The following PHACTR1 variants were observed in gnomAD, a reference collection of about 807,000 sequenced individuals.
PHACTR1 encodes RPEL repeat containing 1.
Under a neutral mutation model 69.2 loss-of-function variants are expected in PHACTR1, and 16 were observed. That is an observed-to-expected ratio of 0.23 (90% CI 0.16 to 0.35). PHACTR1 has a LOEUF of 0.35. Ranked by LOEUF, PHACTR1 falls within the 10% of genes least tolerant of loss-of-function variation. PHACTR1 has a pLI of 1.00. For synonymous variants in PHACTR1, 312 were observed against 284.5 expected (o/e 1.10, Z -0.97); for missense variants, 510 against 734.7 (o/e 0.69, Z 3.54).
chr6:13,280,918 C>T, intron 12 of PHACTR1: 1 of 1,278,732 alleles, frequency 7.8e-7, no homozygotes, highest in Non-Finnish European at 1.0e-6. Flanking sequence ...TGGTCAGGGA[C>T]ATGAGCCCAT....
At chr6:13,111,109 A>AT (rs138211485) in intron 5 of PHACTR1, among the ~76,000 whole-genome samples, 2,285 of 152,238 alleles carry the variant, frequency 0.015, 72 homozygotes, top group African/African-American at 0.053. Context: ...ATTAATGTAC[A>AT]TTTTTGTTAT....
intron 5 of PHACTR1, among the ~76,000 whole-genome samples, chr6:13,134,560 A>C (rs927347514): frequency 3.9e-5 from 6 of 152,044 alleles, no homozygotes; most frequent in South Asian, 2.1e-4. Context: ...GGGCGGTGCA[A>C]GTTGTGCTTT....
At chr6:12,817,750 A>G (rs1581894013) in intron 4 of PHACTR1, among the ~76,000 whole-genome samples, 2 of 152,146 alleles carry the variant, frequency 1.3e-5, no homozygotes, top group South Asian at 4.1e-4. Context: ...AAATCATTCT[A>G]CCCTCTATTA....
intron 5 of PHACTR1, among the ~76,000 whole-genome samples, chr6:13,127,304 C>T (rs569641683): frequency 2.1e-4 from 32 of 152,272 alleles, no homozygotes; most frequent in African/African-American, 5.8e-4. Context: ...TGGTAGCTCA[C>T]GCCTGTAATC....
In PHACTR1 at chr6:12,881,017, A is replaced by G. The variant is rs190468957; in HGVS notation, c.250+131227A>G. Among the ~76,000 whole-genome samples, 6 of 152,306 alleles carry G rather than the reference A, an allele frequency of 3.9e-5. No homozygotes were observed. The East Asian group carries it at 1.2e-3, about 29-fold the overall frequency. On this transcript the variant is annotated intron_variant, in intron 4 of 14. Coordinates refer to ENST00000332995, the MANE Select transcript of PHACTR1 (RefSeq NM_030948.6). ...TGAGCCTCAGTTTCTTCATCTGTAA[A>G]ATGGAGCTATTAAGAGTACCTGACA...
At chr6:12,868,641 G>A (rs1781718558) in intron 4 of PHACTR1, among the ~76,000 whole-genome samples, 1 of 152,106 alleles carries the variant, frequency 6.6e-6, no homozygotes, top group South Asian at 2.1e-4. Context: ...AGGGTGAGGA[G>A]AGGGGAAAGA....
At chr6:12,878,348 C>T (rs1782749024) in intron 4 of PHACTR1, among the ~76,000 whole-genome samples, 1 of 152,304 alleles carries the variant, frequency 6.6e-6, no homozygotes, top group Middle Eastern at 3.4e-3. Context: ...TGAAAAAAAT[C>T]TCTGCTACCC....
chr6:13,234,349 T>C (rs1771676329), intron 10 of PHACTR1, among the ~76,000 whole-genome samples: 1 of 152,244 alleles, frequency 6.6e-6, no homozygotes, highest in South Asian at 2.1e-4. Context: ...TAAAAGAATG[T>C]AGACATGTGC....
intron 4 of PHACTR1, among the ~76,000 whole-genome samples, chr6:12,983,557 A>C (rs1033129144): frequency 2.0e-5 from 3 of 151,584 alleles, no homozygotes; most frequent in Admixed American, 2.0e-4. Context: ...ATTTATTTTT[A>C]TTGTTGTACT....
intron 14 of PHACTR1, among the ~76,000 whole-genome samples, chr6:13,286,788 G>GC (rs1338915783): frequency 3.3e-5 from 5 of 152,238 alleles, no homozygotes; most frequent in African/African-American, 4.8e-5. Flanking sequence ...ATAGGATATA[G>GC]CAAGTATTTA....
intron 4 of PHACTR1, among the ~76,000 whole-genome samples, chr6:12,899,227 C>T (rs1784964055): frequency 6.6e-6 from 1 of 152,188 alleles, no homozygotes; most frequent in Non-Finnish European, 1.5e-5. Context: ...TTTGCCCACA[C>T]CTATCACATG....
At chr6:13,042,823 C>T (rs1446503981) in intron 4 of PHACTR1, among the ~76,000 whole-genome samples, 3 of 152,058 alleles carry the variant, frequency 2.0e-5, no homozygotes, top group Non-Finnish European at 4.4e-5. Flanking sequence ...TTAGTATATG[C>T]CTATTTATCT....
At chr6:13,112,286 C>T (rs560642550) in intron 5 of PHACTR1, among the ~76,000 whole-genome samples, 4 of 152,208 alleles carry the variant, frequency 2.6e-5, no homozygotes, top group East Asian at 1.9e-4. Flanking sequence ...CATTGATGAG[C>T]GTTTAGGTTG....
chr6:12,949,195 A>G (rs1318354105), intron 4 of PHACTR1, among the ~76,000 whole-genome samples: 1 of 150,194 alleles, frequency 6.7e-6, no homozygotes, highest in African/African-American at 2.5e-5. Flanking sequence ...ACTTGAACCC[A>G]GGAGGCGGAG....
intron 4 of PHACTR1, among the ~76,000 whole-genome samples, chr6:12,780,288 T>A (rs923820153): frequency 2.8e-4 from 38 of 135,602 alleles, no homozygotes; most frequent in African/African-American, 9.6e-4. Context: ...TGTGTGTGTG[T>A]CAGAGAGAGA....
chr6:12,911,648 A>C (rs1786403728), intron 4 of PHACTR1, among the ~76,000 whole-genome samples: 1 of 152,064 alleles, frequency 6.6e-6, no homozygotes, highest in African/African-American at 2.4e-5. Context: ...AGCCTATGAT[A>C]CTCAAATGAT....
intron 4 of PHACTR1, among the ~76,000 whole-genome samples, chr6:12,953,764 T>C (rs1250384873): frequency 1.3e-5 from 2 of 152,158 alleles, no homozygotes; most frequent in Non-Finnish European, 2.9e-5. Context: ...ATGACGAGAA[T>C]GATGATGGTG....
intron 3 of PHACTR1, among the ~76,000 whole-genome samples, chr6:12,721,735 C>T (rs1056289468): frequency 1.3e-5 from 2 of 152,210 alleles, no homozygotes; most frequent in Non-Finnish European, 2.9e-5. Flanking sequence ...CACTGCATTG[C>T]ATGGGTTCCT....
At chr6:13,262,599 G>A (rs1776064507) in intron 10 of PHACTR1, among the ~76,000 whole-genome samples, 1 of 152,114 alleles carries the variant, frequency 6.6e-6, no homozygotes, top group South Asian at 2.1e-4. Flanking sequence ...TAATAACCAA[G>A]GCCAGACAGA....
Sources: gnomAD v4.1 joint callset for allele counts (sites outside exome capture counted in the v4.1 genomes callset) on GRCh38, gnomAD v4.1.1 for gene constraint, MANE v1.5 for transcripts, NCBI Gene and HGNC (gene_info 2026-07-23, HGNC 2026-07-21) for gene names.